SLC17A1: variants seen among roughly 807,000 people sequenced by gnomAD.
The protein encoded by SLC17A1 is sodium-dependent phosphate transport protein 1.
A neutral mutation model predicts 53.5 loss-of-function variants in SLC17A1; 51 were observed. The ratio of observed to expected loss-of-function variants is 0.95; its 90% CI spans 0.76 to 1.20. SLC17A1 has a LOEUF of 1.20. Among genes scored for constraint, SLC17A1 ranks in the 50% most tolerant of loss-of-function variants. The pLI, the probability that SLC17A1 is intolerant of heterozygous loss-of-function variation, is 0.00. For missense variants in SLC17A1, 538 were observed against 568.2 expected, an observed-to-expected ratio of 0.95 and a Z score of 0.54; for synonymous variants, 179 against 198.8, an observed-to-expected ratio of 0.90 and a Z score of 0.84.
chr6:25,803,190 A>G lies in SLC17A1; in HGVS notation c.1179-2210T>C, dbSNP rs1331760273. ...CTGACCTCATGATCCGCCTGCCTCA[A>G]CCTCCCAAAGTGCTGGGATTACAGG... is the stretch of plus-strand genomic sequence containing the variant. On this transcript the variant is annotated intron_variant, in intron 10 of 12. Transcript: ENST00000244527. Among the ~76,000 whole-genome samples, 3 of 151,078 alleles carry G rather than the reference A, an allele frequency of 2.0e-5. No individual in the cohort carries two copies. The East Asian group carries it at 5.8e-4, about 29-fold the overall frequency.
rs759657211 is a variant in SLC17A1, at chr6:25,813,114, G to A, written c.716C>T (p.Thr239Ile). Reference protein sequence around the residue: ...CISISEKEYITSSLVQQVSSS... With the variant: ...CISISEKEYIISSLVQQVSSS... ...TTCTACCTGCTGGACCAGGGAGGAT[G>A]TGATGTATTCCTTTTCACTGATGCT... The change falls in exon 7 of 13, where the codon ACA becomes ATA. Residue 239 changes from threonine (T) to isoleucine (I), a missense_variant. Physicochemically the swap from Thr to Ile is moderately conservative, Grantham distance 89 (BLOSUM62 -1). Coordinates refer to ENST00000244527, the MANE Select transcript of SLC17A1 (RefSeq NM_005074.5). 3 of 1,614,026 alleles carry A rather than the reference G, an allele frequency of 1.9e-6. No homozygotes were observed. Among genetic ancestry groups the A allele is most frequent in the South Asian group, 1.1e-5 (1 of 91,080 alleles).
intron 3 of SLC17A1, among the ~76,000 whole-genome samples, chr6:25,821,581 C>T (rs1764564043): frequency 6.6e-6 from 1 of 152,198 alleles, no homozygotes. Flanking sequence ...ATTTGTTCTA[C>T]TCTCCCTGTG....
At chr6:25,727,352 C>CTG in the SLC17A1 span, 2 of 1,435,368 alleles carry the variant, frequency 1.4e-6, no homozygotes, top group Non-Finnish European at 1.9e-6. Context: ...CTTAAACATA[C>CTG]TGAAACAGCT....
chr6:25,724,232 T>G, the SLC17A1 span, among the ~76,000 whole-genome samples: 2 of 152,364 alleles, frequency 1.3e-5, no homozygotes, highest in East Asian at 3.9e-4. Context: ...GAGACCAGCC[T>G]GGCCAACATG....
At chr6:25,730,401 G>A in the SLC17A1 span, among the ~76,000 whole-genome samples, 4 of 152,258 alleles carry the variant, frequency 2.6e-5, no homozygotes, top group East Asian at 7.7e-4. Flanking sequence ...AAATGAGCGA[G>A]GCACAGAAAG....
chr6:25,814,869 C>T (rs888727459), intron 6 of SLC17A1, among the ~76,000 whole-genome samples: 4 of 151,792 alleles, frequency 2.6e-5, no homozygotes, highest in Non-Finnish European at 5.9e-5. Flanking sequence ...CCCTGTAATC[C>T]CAGCTACTCA....
the SLC17A1 span, among the ~76,000 whole-genome samples, chr6:25,758,705 T>C: frequency 6.6e-6 from 1 of 151,794 alleles, no homozygotes; most frequent in Non-Finnish European, 1.5e-5. Flanking sequence ...GTGTCGCTGA[T>C]GGTCTGGCAA....
the SLC17A1 span, among the ~76,000 whole-genome samples, chr6:25,724,565 G>T: frequency 6.6e-6 from 1 of 152,112 alleles, no homozygotes; most frequent in Non-Finnish European, 1.5e-5. Context: ...TAATAGGATT[G>T]CATTAGAGAT....
the SLC17A1 span, among the ~76,000 whole-genome samples, chr6:25,767,445 A>AT: frequency 1.3e-5 from 2 of 152,188 alleles, no homozygotes; most frequent in South Asian, 2.1e-4. Flanking sequence ...TATTAATCTC[A>AT]TTTTTCAGGC....
the SLC17A1 span, among the ~76,000 whole-genome samples, chr6:25,760,415 T>A: frequency 6.6e-6 from 1 of 152,186 alleles, no homozygotes; most frequent in East Asian, 1.9e-4. Flanking sequence ...GCTCTTTTTG[T>A]GTCCTGCAGT....
chr6:25,822,848 T>C (rs1659011622), intron 3 of SLC17A1, among the ~76,000 whole-genome samples: 1 of 152,160 alleles, frequency 6.6e-6, no homozygotes. Context: ...AAATAGATAA[T>C]TGACACAATA....
the SLC17A1 span, among the ~76,000 whole-genome samples, chr6:25,760,818 C>A: frequency 6.6e-6 from 1 of 151,930 alleles, no homozygotes; most frequent in African/African-American, 2.4e-5. Context: ...TCTGCCTATT[C>A]TTTTTGGTAT....
chr6:25,725,394 C>T, the SLC17A1 span, among the ~76,000 whole-genome samples: 204 of 152,236 alleles, frequency 1.3e-3, 1 homozygote, highest in African/African-American at 4.9e-3. Flanking sequence ...AATATATATG[C>T]TTACCCAAAT....
chr6:25,751,689 C>A, the SLC17A1 span, among the ~76,000 whole-genome samples: 1 of 152,130 alleles, frequency 6.6e-6, no homozygotes. Flanking sequence ...TTATAAGCAA[C>A]TGAGATTTTT....
At chr6:25,813,500 A>C (rs952738639) in intron 6 of SLC17A1, among the ~76,000 whole-genome samples, 2 of 152,040 alleles carry the variant, frequency 1.3e-5, no homozygotes, top group African/African-American at 2.4e-5. Context: ...CAAATTCCTC[A>C]TGTGTTCCAC....
chr6:25,800,972 C>T lies in SLC17A1; in HGVS notation c.1187G>A (p.Gly396Glu), dbSNP rs775152924. 6.4e-7 allele frequency: 1 copy of T among 1,567,580 alleles called. No homozygotes were observed. ...TAAAGTTGAACATGCTTTAATAAAT[C>T]CAAAATATCTATGCATAAAAGAGTA... is the stretch of plus-strand genomic sequence containing the variant. Reference protein sequence around the residue: ...NGLDIAPRYFGFIKACSTLTG... With the variant: ...NGLDIAPRYFEFIKACSTLTG... The change falls in exon 11 of 13, where the codon GGA (glycine) becomes GAA (glutamate). Residue 396 changes from glycine to glutamate, a missense_variant. By Grantham distance (98) the Gly-to-Glu change is moderately conservative. Transcript: ENST00000244527.
chr6:25,798,962 G>GT, intron 11 of SLC17A1, 43 bp from the exon 12 acceptor site: 5 of 1,510,932 alleles, frequency 3.3e-6, no homozygotes, highest in Admixed American at 1.9e-5. Context: ...TATTGCTCTT[G>GT]TTTTTTTGTT....
intron 6 of SLC17A1, among the ~76,000 whole-genome samples, chr6:25,818,098 A>C (rs550939264): frequency 3.0e-4 from 45 of 152,312 alleles, no homozygotes; most frequent in African/African-American, 1.0e-3. Flanking sequence ...ATGTGAATGA[A>C]CATCAGTAGG....
At chr6:25,813,310 A>G (rs1764227883) in intron 6 of SLC17A1, 97 bp from the exon 7 acceptor site, 10 of 968,376 alleles carry the variant, frequency 1.0e-5, no homozygotes, top group Admixed American at 4.0e-5. Flanking sequence ...GAGAAACTGG[A>G]CCTCCTCTTT....
Sources: gnomAD v4.1 joint callset for allele counts (sites outside exome capture counted in the v4.1 genomes callset) on GRCh38, gnomAD v4.1.1 for gene constraint, MANE v1.5 for transcripts, NCBI Gene and HGNC (gene_info 2026-07-23, HGNC 2026-07-21) for gene names.